Variants in CLSTN1 observed in about 807,000 individuals in gnomAD.
The protein encoded by CLSTN1 is calsyntenin 1, also known as calsyntenin-1.
A neutral mutation model predicts 108.3 loss-of-function variants in CLSTN1; 28 were observed. The observed-to-expected ratio is 0.26, with a 90% CI of 0.19 to 0.35. CLSTN1 has a LOEUF of 0.35. Among genes scored for constraint, CLSTN1 ranks in the 10% least tolerant of loss-of-function variants. The probability of loss-of-function intolerance (pLI) is 1.00; values close to 1 mark genes in which losing one functional copy is unlikely to be tolerated. For missense variants in CLSTN1, 1,157 were observed against 1,302.6 expected, an observed-to-expected ratio of 0.89 and a Z score of 1.72; for synonymous variants, 524 against 534.9, an observed-to-expected ratio of 0.98 and a Z score of 0.28.
At position 9,741,101 on chromosome 1, in the gene CLSTN1, G is replaced by A; in HGVS notation, c.1512C>T (p.Cys504=). ...GGGGGTAATGACAGGTACCTTGCCA[G>A]CAAGCCCCCACCACGAGCTGAGTTT... ...KIETQLVVGA[C]WQEFSGVEND... The change falls in exon 10 of 19, where the codon TGC becomes TGT. Residue 504 remains cysteine, a synonymous_variant. Coordinates refer to ENST00000377298, the MANE Select transcript of CLSTN1 (RefSeq NM_001009566.3). The A allele has an allele frequency of 6.2e-7, 1 of 1,613,080 alleles. No homozygotes were observed.
In CLSTN1 at chr1:9,743,109, G is replaced by C. The variant is rs111948546; in HGVS notation, c.1356+775C>G. On this transcript the variant is annotated intron_variant, in intron 9 of 18. Coordinates refer to ENST00000377298, the MANE Select transcript of CLSTN1 (RefSeq NM_001009566.3). The stretch of plus-strand genomic sequence containing the variant: ...ACTAACTCCATGAGACAAATAAAAT[G>C]ATGATAAGGCCAAAGGTTTCCTTCT... Among the ~76,000 whole-genome samples, 1,012 of 152,252 alleles carry C rather than the reference G, an allele frequency of 6.6e-3. 10 individuals carry two copies. The highest frequency in any genetic ancestry group is 0.01 in the Non-Finnish European group (700 of 68,034).
Position 9,749,867 on chromosome 1 carries a change from T to C in CLSTN1, c.696A>G (p.Gln232=), listed in dbSNP as rs528895645. The C allele has an allele frequency of 2.2e-5, 35 of 1,613,990 alleles. No individual in the cohort carries two copies. The South Asian group carries it at 2.7e-4, about 13-fold the overall frequency. Residue 232 remains glutamine (Q), a synonymous_variant, in exon 6 of 19, where the codon CAA becomes CAG. Coordinates refer to ENST00000377298, the MANE Select transcript of CLSTN1 (RefSeq NM_001009566.3). Reference sequence around the variant, plus strand: ...CATAGGCAGTGACGGTCAGCTTATATTGATGTTCTTTCCCGTAGTTTAATT... The same window carrying C: ...CATAGGCAGTGACGGTCAGCTTATACTGATGTTCTTTCCCGTAGTTTAATT... ...TEKLNYGKEH[Q]YKLTVTAYDC... is the part of the protein sequence containing the mutation.
chr1:9,740,448 A>G (rs1226141370), intron 10 of CLSTN1, among the ~76,000 whole-genome samples: 2 of 152,136 alleles, frequency 1.3e-5, no homozygotes, highest in Admixed American at 1.3e-4. Flanking sequence ...TGTGGGCCTG[A>G]GTTTCTTCAG....
chr1:9,787,559 G>A (rs1233757388), intron 1 of CLSTN1, among the ~76,000 whole-genome samples: 4 of 150,700 alleles, frequency 2.7e-5, no homozygotes, highest in African/African-American at 9.7e-5. Flanking sequence ...ACCTGCCACC[G>A]TGCCCGGCTA....
chr1:9,823,567 G>A lies in CLSTN1; in HGVS notation c.91+76C>T. The A allele has an allele frequency of 1.0e-6, 1 of 996,302 alleles. No individual in the cohort carries two copies. The highest frequency in any genetic ancestry group is 1.3e-6 in the Non-Finnish European group (1 of 795,310). The allele number at this position is 996,302 out of a possible 1,614,324, so 61.7% of individuals were successfully genotyped here. ...CTCCCGCACCCGGACCCGAATCCCC[G>A]CACCGGGACCCGAATCCTGCACCCG... On this transcript the variant is annotated intron_variant, in intron 1 of 18. Coordinates refer to ENST00000377298, the MANE Select transcript of CLSTN1 (RefSeq NM_001009566.3). This position sits in a 1 kb window ranked among gnomAD's most constrained non-coding sequence, Gnocchi z 6.3.
intron 7 of CLSTN1, among the ~76,000 whole-genome samples, chr1:9,745,997 G>C (rs940084493): frequency 3.3e-5 from 5 of 151,750 alleles, no homozygotes; most frequent in African/African-American, 1.2e-4. Flanking sequence ...CCAACTACTG[G>C]GCTCAAGCGA....
chr1:9,797,633 C>G (rs1294336896), intron 1 of CLSTN1, among the ~76,000 whole-genome samples: 1 of 151,594 alleles, frequency 6.6e-6, no homozygotes, highest in Non-Finnish European at 1.5e-5. Flanking sequence ...AAAGCAAGAC[C>G]CTGTCTCAAA....
Position 9,733,467 on chromosome 1 carries a change from G to A in CLSTN1, c.2361C>T (p.Asp787=). ...CTGAGCAGATGAGCTTAAACTTCCGGTCAAGCAAGGACCTGGCATGCCAGT... is the reference window on the plus strand; with the variant it reads ...CTGAGCAGATGAGCTTAAACTTCCGATCAAGCAAGGACCTGGCATGCCAGT... The part of the protein sequence containing the change: ...YRNWHARSLL[D]RKFKLICSEL... The change falls in exon 16 of 19, where the codon GAC becomes GAT. Residue 787 remains aspartate (D), a synonymous_variant. Transcript: ENST00000377298. 1 of 1,614,184 alleles carries A rather than the reference G, an allele frequency of 6.2e-7. No individual in the cohort carries two copies. Among genetic ancestry groups the A allele is most frequent in the Non-Finnish European group, 8.5e-7 (1 of 1,180,032 alleles).
rs557228107 is a variant in CLSTN1, at chr1:9,749,573, T to G, written c.873A>C (p.Thr291=). 3 of 1,614,220 alleles carry G rather than the reference T, an allele frequency of 1.9e-6. No individual in the cohort carries two copies. Among genetic ancestry groups the G allele is most frequent in the East Asian group, 4.5e-5 (2 of 44,880 alleles). The change falls in exon 7 of 19, where the codon ACA becomes ACC. Residue 291 remains threonine (T), a synonymous_variant. Coordinates refer to ENST00000377298, the MANE Select transcript of CLSTN1 (RefSeq NM_001009566.3). ...LAVFPNIHLE[T]CDEPVASVQA... The stretch of plus-strand genomic sequence containing the variant: ...GTACTGAGGCGACTGGCTCGTCACA[T>G]GTCTCCAGGTGGATATTTGGAAAGA...
chr1:9,751,064 C>CA (rs200491187), intron 5 of CLSTN1, among the ~76,000 whole-genome samples: 2,321 of 147,840 alleles, frequency 0.016, 33 homozygotes, highest in Middle Eastern at 0.024. Context: ...GAAACTGTCT[C>CA]AAAAAAAAAC....
chr1:9,808,721 A>G (rs1367830602), intron 1 of CLSTN1, among the ~76,000 whole-genome samples: 1 of 152,078 alleles, frequency 6.6e-6, no homozygotes, highest in Admixed American at 6.6e-5. Context: ...AAAGGCCTCA[A>G]TCTGACCAGA....
Position 9,741,296 on chromosome 1 carries a change from A to G in CLSTN1, c.1357-40T>C, listed in dbSNP as rs961953002. On this transcript the variant is annotated intron_variant, in intron 9 of 18. Transcript: ENST00000377298. ...GGAAGCGGGGAGGTGTGAGATGTCCACTTTCCTTCTCATCAATGCCCATGG... is the reference window on the plus strand; with the variant it reads ...GGAAGCGGGGAGGTGTGAGATGTCCGCTTTCCTTCTCATCAATGCCCATGG... 61 of 1,568,240 alleles carry G rather than the reference A, an allele frequency of 3.9e-5. No individual in the cohort carries two copies. In the East Asian group the frequency reaches 1.4e-3, roughly 36 times the overall value.
intron 1 of CLSTN1, among the ~76,000 whole-genome samples, chr1:9,776,680 T>C (rs1652959867): frequency 6.6e-6 from 1 of 152,070 alleles, no homozygotes; most frequent in South Asian, 2.1e-4. Context: ...GTCTTCAACT[T>C]TGGGGTCTCA....
chr1:9,790,738 G>A (rs757129637), intron 1 of CLSTN1, among the ~76,000 whole-genome samples: 2 of 151,300 alleles, frequency 1.3e-5, no homozygotes, highest in Non-Finnish European at 1.5e-5. Context: ...CTAATCTAGC[G>A]GATTCAGCTA....
intron 11 of CLSTN1, among the ~76,000 whole-genome samples, chr1:9,737,091 A>C (rs1650732288): frequency 6.6e-6 from 1 of 151,942 alleles, no homozygotes; most frequent in Admixed American, 6.6e-5. Context: ...AAAAAAAGAG[A>C]GACGTCTATT....
At chr1:9,816,747 A>T (rs1654989804) in intron 1 of CLSTN1, among the ~76,000 whole-genome samples, 1 of 152,102 alleles carries the variant, frequency 6.6e-6, no homozygotes, top group Non-Finnish European at 1.5e-5. Context: ...CCTGGGTTCA[A>T]GCAATTCTCC....
chr1:9,790,346 T>A (rs1653704702), intron 1 of CLSTN1, among the ~76,000 whole-genome samples: 1 of 151,522 alleles, frequency 6.6e-6, no homozygotes, highest in African/African-American at 2.4e-5. Context: ...TCATCATGAA[T>A]GAATGAATAG....
chr1:9,810,036 GAA>G (rs942917813), intron 1 of CLSTN1, among the ~76,000 whole-genome samples: 1 of 131,374 alleles, frequency 7.6e-6, no homozygotes, highest in African/African-American at 3.0e-5. Context: ...GAGACTCTGA[GAA>G]AGAGAGAGAG....
At chr1:9,744,178 C>G (rs1474243170) in intron 8 of CLSTN1, among the ~76,000 whole-genome samples, 173 bp from the exon 9 acceptor site, 1 of 152,198 alleles carries the variant, frequency 6.6e-6, no homozygotes, top group Non-Finnish European at 1.5e-5. Context: ...AGAGGCGGAG[C>G]CTGTGATCAC....
Sources: allele counts gnomAD v4.1 joint callset (sites outside exome capture counted in the v4.1 genomes callset), GRCh38; gene constraint gnomAD v4.1.1; non-coding constraint Gnocchi (gnomAD v3.1); transcripts MANE v1.5; gene names NCBI Gene and HGNC (gene_info 2026-07-23, HGNC 2026-07-21).